Variants in RBFOX1 observed in about 807,000 individuals in gnomAD.
The protein encoded by RBFOX1 is RNA binding protein fox-1 homolog 1.
In RBFOX1, 8 loss-of-function variants were observed where a neutral mutation model predicts 57.7. The observed-to-expected ratio is 0.14, with a 90% CI of 0.08 to 0.25. RBFOX1 has a LOEUF of 0.25. RBFOX1 is among the 10% of genes least tolerant of loss of function. The pLI is 1.00. For synonymous variants in RBFOX1, 326 were observed against 222.4 expected (o/e 1.47, Z -4.15); for missense variants, 611 against 548.5 (o/e 1.11, Z -1.14).
intron 3 of RBFOX1, among the ~76,000 whole-genome samples, chr16:5,620,942 G>C (rs1453372388): frequency 1.3e-5 from 2 of 152,058 alleles, no homozygotes; most frequent in East Asian, 1.9e-4. Context: ...CCGGGTTCCT[G>C]CCATTCTCCT....
chr16:6,797,546 A>T (rs997640380), intron 3 of RBFOX1, among the ~76,000 whole-genome samples: 54 of 152,140 alleles, frequency 3.5e-4, no homozygotes, highest in African/African-American at 1.3e-3. Context: ...TGCACCTATT[A>T]TATTACAATG....
At chr16:6,181,443 G>C (rs868850356) in intron 1 of RBFOX1, among the ~76,000 whole-genome samples, 3 of 152,234 alleles carry the variant, frequency 2.0e-5, no homozygotes, top group East Asian at 1.9e-4. Context: ...TGAAATTTTG[G>C]GGGGGTCAGT....
chr16:5,883,781 G>C (rs1056527079), intron 4 of RBFOX1, among the ~76,000 whole-genome samples: 1 of 152,074 alleles, frequency 6.6e-6, no homozygotes, highest in Non-Finnish European at 1.5e-5. Flanking sequence ...GAGTAGATTT[G>C]TGTCTTTTTC....
chr16:5,354,771 G>A (rs1459433951), intron 1 of RBFOX1, among the ~76,000 whole-genome samples: 1 of 152,224 alleles, frequency 6.6e-6, no homozygotes, highest in Non-Finnish European at 1.5e-5. Context: ...TACCAGGGCA[G>A]GCTGGAGGGA....
intron 1 of RBFOX1, among the ~76,000 whole-genome samples, chr16:6,238,302 G>A (rs1280766707): frequency 2.0e-5 from 3 of 152,022 alleles, no homozygotes; most frequent in Non-Finnish European, 2.9e-5. Context: ...TTGTCCTTTT[G>A]AAACTCCCTC....
At chr16:6,432,298 T>C (rs940377679) in intron 2 of RBFOX1, among the ~76,000 whole-genome samples, 5 of 152,052 alleles carry the variant, frequency 3.3e-5, no homozygotes, top group Admixed American at 2.0e-4. Context: ...GCTTCAGGCA[T>C]AGGTAGTATT....
chr16:5,840,658 G>T (rs1291246372), intron 3 of RBFOX1, among the ~76,000 whole-genome samples: 1 of 152,194 alleles, frequency 6.6e-6, no homozygotes, highest in South Asian at 2.1e-4. Context: ...GAGGATTAGG[G>T]TTACTTAGAA....
chr16:7,702,263 G>T (rs987802205), intron 14 of RBFOX1, among the ~76,000 whole-genome samples: 2 of 152,192 alleles, frequency 1.3e-5, no homozygotes, highest in Non-Finnish European at 2.9e-5. Flanking sequence ...CCTAAGCTCG[G>T]AATTTTTGAA....
At chr16:5,815,070 A>C (rs1037710816) in intron 3 of RBFOX1, among the ~76,000 whole-genome samples, 3 of 151,282 alleles carry the variant, frequency 2.0e-5, no homozygotes, top group Non-Finnish European at 2.9e-5. Flanking sequence ...CGCAGCCCCA[A>C]CCTCCTGGGT....
intron 3 of RBFOX1, among the ~76,000 whole-genome samples, chr16:6,909,365 C>T (rs140917408): frequency 1.1e-3 from 171 of 152,278 alleles, no homozygotes; most frequent in African/African-American, 3.9e-3. Flanking sequence ...TTGGGTCCAC[C>T]TGGATAATCC....
intron 4 of RBFOX1, among the ~76,000 whole-genome samples, chr16:7,450,845 G>T (rs1313583530): frequency 6.6e-6 from 1 of 152,144 alleles, no homozygotes; most frequent in Non-Finnish European, 1.5e-5. Context: ...TGGATGGCAT[G>T]CGACGGGCCC....
intron 3 of RBFOX1, among the ~76,000 whole-genome samples, chr16:6,837,703 G>A (rs565904672): frequency 6.6e-6 from 1 of 152,262 alleles, no homozygotes; most frequent in East Asian, 1.9e-4. Context: ...TAATCACTGT[G>A]GGCATTGTGC....
At chr16:6,618,980 G>C (rs971348165) in intron 2 of RBFOX1, among the ~76,000 whole-genome samples, 10 of 152,196 alleles carry the variant, frequency 6.6e-5, no homozygotes, top group African/African-American at 2.2e-4. Context: ...TTATAGTCCA[G>C]AGTGGGAAGC....
intron 3 of RBFOX1, among the ~76,000 whole-genome samples, chr16:6,945,108 C>G (rs1332548148): frequency 1.3e-5 from 2 of 152,094 alleles, no homozygotes; most frequent in Non-Finnish European, 1.5e-5. Flanking sequence ...CCCAACGTCC[C>G]TTTGCTAGGG....
At chr16:6,900,026 G>A (rs1211491499) in intron 3 of RBFOX1, among the ~76,000 whole-genome samples, 2 of 152,176 alleles carry the variant, frequency 1.3e-5, no homozygotes, top group Admixed American at 6.5e-5. Context: ...GATGCTCATA[G>A]CATCAACTTC....
intron 3 of RBFOX1, among the ~76,000 whole-genome samples, chr16:6,966,877 A>G (rs1376291052): frequency 1.4e-5 from 2 of 145,996 alleles, no homozygotes; most frequent in African/African-American, 2.6e-5. Flanking sequence ...CTATCCATGT[A>G]TCCATCTATT....
chr16:6,915,362 T>G (rs1203440837), intron 3 of RBFOX1, among the ~76,000 whole-genome samples: 1 of 152,144 alleles, frequency 6.6e-6, no homozygotes, highest in Non-Finnish European at 1.5e-5. Flanking sequence ...CTCTACAGAT[T>G]AGAAAGGAAA....
chr16:7,089,331 C>T (rs939754189), intron 4 of RBFOX1, among the ~76,000 whole-genome samples: 1 of 152,082 alleles, frequency 6.6e-6, no homozygotes, highest in South Asian at 2.1e-4. Flanking sequence ...ACTGAATTCT[C>T]ATAACATTTA....
chr16:5,660,230 T>C (rs1267278243), intron 3 of RBFOX1, among the ~76,000 whole-genome samples: 1 of 152,146 alleles, frequency 6.6e-6, no homozygotes, highest in Non-Finnish European at 1.5e-5. Context: ...TGTCTGGTAT[T>C]AAATGGTATT....
Sources: allele counts gnomAD v4.1 joint callset (sites outside exome capture counted in the v4.1 genomes callset), GRCh38; gene constraint gnomAD v4.1.1; transcripts MANE v1.5; gene names NCBI Gene and HGNC (gene_info 2026-07-23, HGNC 2026-07-21).